The following UBE2N variants were observed in gnomAD, a reference collection of about 807,000 sequenced individuals.
The protein encoded by UBE2N is ubiquitin-conjugating enzyme E2 N.
For synonymous variants in UBE2N, 70 were observed against 69.2 expected, an observed-to-expected ratio of 1.01 and a Z score of -0.06; for missense variants, 60 against 192.1, an observed-to-expected ratio of 0.31 and a Z score of 4.07.
intron 1 of UBE2N, among the ~76,000 whole-genome samples, chr12:93,418,505 AT>A (rs1219767956): frequency 7.3e-6 from 1 of 136,626 alleles, no homozygotes; most frequent in Non-Finnish European, 1.5e-5. Context: ...GAAACATATA[AT>A]GTCTCATTAT....
intron 1 of UBE2N, 55 bp downstream of exon 1, chr12:93,441,800 C>A: frequency 1.3e-6 from 2 of 1,570,776 alleles, no homozygotes; most frequent in Non-Finnish European, 1.7e-6. Flanking sequence ...CGCTGCCTGC[C>A]CAGCTGAGCC....
intron 1 of UBE2N, among the ~76,000 whole-genome samples, chr12:93,431,084 G>A (rs980916718): frequency 3.9e-5 from 6 of 152,012 alleles, no homozygotes; most frequent in East Asian, 1.9e-4. Flanking sequence ...AAAATTAGCC[G>A]GGTGTGGTGG....
At chr12:93,431,025 G>A (rs1301001122) in intron 1 of UBE2N, among the ~76,000 whole-genome samples, 1 of 151,246 alleles carries the variant, frequency 6.6e-6, no homozygotes, top group Non-Finnish European at 1.5e-5. Context: ...TCAGGAGTTC[G>A]AGACCAGCCT....
intron 1 of UBE2N, among the ~76,000 whole-genome samples, chr12:93,416,068 G>T (rs539354055): frequency 6.6e-6 from 1 of 152,278 alleles, no homozygotes; most frequent in African/African-American, 2.4e-5. Context: ...TTTTGAAATA[G>T]TCCTTATAAT....
intron 1 of UBE2N, among the ~76,000 whole-genome samples, chr12:93,421,250 G>A (rs532120938): frequency 4.3e-4 from 65 of 151,398 alleles, no homozygotes; most frequent in African/African-American, 1.6e-3. Flanking sequence ...CACCCAGGCT[G>A]GAGTGCAGTG....
intron 1 of UBE2N, among the ~76,000 whole-genome samples, chr12:93,413,932 C>A (rs772015826): frequency 6.6e-6 from 1 of 152,144 alleles, no homozygotes; most frequent in African/African-American, 2.4e-5. Context: ...GAGGCCGAGG[C>A]GGGTGGATCA....
intron 1 of UBE2N, among the ~76,000 whole-genome samples, chr12:93,440,519 T>C (rs1411855950): frequency 2.0e-5 from 3 of 152,238 alleles, no homozygotes; most frequent in African/African-American, 7.2e-5. Flanking sequence ...ATCTCAGATA[T>C]ATTTAAATGC....
At position 93,408,091 on chromosome 12, in the gene UBE2N, A is replaced by G. The variant is rs1565790531; in HGVS notation, c.*1948T>C. On this transcript the variant is annotated 3_prime_UTR_variant, in exon 4 of 4. Transcript: ENST00000318066. ...TGTAAATCACTATGTGATACTAGCT[A>G]TAACCATGAGCAATATTACGGGCAG... 1 of 152,226 alleles carries G rather than the reference A, an allele frequency of 6.6e-6. No homozygotes were observed. Among genetic ancestry groups the G allele is most frequent in the Non-Finnish European group, 1.5e-5 (1 of 68,034 alleles). The allele number at this position is 152,226 out of a possible 1,614,324, so 9.4% of individuals were successfully genotyped here.
chr12:93,418,961 G>C (rs918016559), intron 1 of UBE2N, among the ~76,000 whole-genome samples: 15 of 152,228 alleles, frequency 9.9e-5, no homozygotes, highest in African/African-American at 2.4e-4. Flanking sequence ...TCCCAAATTA[G>C]TCTGGAGAGT....
intron 1 of UBE2N, among the ~76,000 whole-genome samples, chr12:93,421,548 G>A (rs937178916): frequency 6.6e-6 from 1 of 152,104 alleles, no homozygotes; most frequent in African/African-American, 2.4e-5. Flanking sequence ...TAAACAGCAC[G>A]GGAGTTAAAA....
intron 1 of UBE2N, among the ~76,000 whole-genome samples, chr12:93,423,426 CTT>C (rs1592745986): frequency 6.6e-6 from 1 of 152,106 alleles, no homozygotes; most frequent in East Asian, 1.9e-4. Context: ...CTAAATAACT[CTT>C]TGGGATTAAA....
chr12:93,425,607 C>T (rs1344787338), intron 1 of UBE2N, among the ~76,000 whole-genome samples: 1 of 152,146 alleles, frequency 6.6e-6, no homozygotes, highest in Admixed American at 6.5e-5. Flanking sequence ...ACCAACCCCA[C>T]AGAGTAAGGA....
At chr12:93,437,505 T>C (rs909078514) in intron 1 of UBE2N, among the ~76,000 whole-genome samples, 3 of 152,052 alleles carry the variant, frequency 2.0e-5, no homozygotes, top group Non-Finnish European at 4.4e-5. Flanking sequence ...ACAATAAAAA[T>C]AGTGGTTGAA....
intron 1 of UBE2N, among the ~76,000 whole-genome samples, chr12:93,435,271 G>A (rs1483707957): frequency 2.0e-5 from 3 of 152,032 alleles, no homozygotes; most frequent in African/African-American, 7.3e-5. Context: ...TCAGGAGTTC[G>A]AGACCAGCCT....
At chr12:93,439,427 C>G (rs146766839) in intron 1 of UBE2N, among the ~76,000 whole-genome samples, 175 of 152,294 alleles carry the variant, frequency 1.1e-3, no homozygotes, top group Non-Finnish European at 2.0e-3. Flanking sequence ...TGTGGTAAGC[C>G]ATGATCCTGC....
rs753510663 is a variant in UBE2N, at chr12:93,411,213, A to T, written c.117T>A (p.Ile39=). 22 of 1,614,108 alleles carry T rather than the reference A, an allele frequency of 1.4e-5. No individual in the cohort carries two copies. Among genetic ancestry groups the T allele is most frequent in the Non-Finnish European group, 1.8e-5 (21 of 1,180,042 alleles). ...CAAAGGGGGAATCCTGAGGGCCAGC[A>T]ATGACCACATGAAAATAACGGGCGT... ...ESNARYFHVV[I]AGPQDSPFEG... is the part of the protein sequence containing the mutation. The change falls in exon 2 of 4, where the codon ATT becomes ATA. Residue 39 remains isoleucine, a synonymous_variant. Coordinates refer to ENST00000318066, the MANE Select transcript of UBE2N (RefSeq NM_003348.4).
At chr12:93,437,917 G>C (rs1391379447) in intron 1 of UBE2N, among the ~76,000 whole-genome samples, 1 of 152,090 alleles carries the variant, frequency 6.6e-6, no homozygotes, top group African/African-American at 2.4e-5. Context: ...GCATTTCCTA[G>C]TTAATAAAAA....
chr12:93,406,419 CCCATTCT>C lies in UBE2N; in HGVS notation c.*3613_*3619del, dbSNP rs1178206390. 6.6e-6 allele frequency: 1 copy of C among 151,982 alleles called. No homozygotes were observed. Among genetic ancestry groups the C allele is most frequent in the Non-Finnish European group, 1.5e-5 (1 of 68,018 alleles). 9.4% of individuals were successfully genotyped at this position (151,982 alleles called of 1,614,324 possible). A position where few individuals can be genotyped will look rare whatever the true frequency, so the allele number is the denominator to read the frequency against. On this transcript the variant is annotated 3_prime_UTR_variant, in exon 4 of 4. Transcript: ENST00000318066. Reference sequence around the variant, plus strand: ...ATGTCTTTTAGGACAGATTTCCTTCCCCATTCTCCATCAAACAACCATAGCACCTGTG... The same window carrying C: ...ATGTCTTTTAGGACAGATTTCCTTCCCCATCAAACAACCATAGCACCTGTG...
In UBE2N at chr12:93,408,758, T is replaced by C. The variant is rs769381081; in HGVS notation, c.*1281A>G. The C allele has an allele frequency of 3.9e-5, 6 of 152,260 alleles. No homozygotes were observed. The highest frequency in any genetic ancestry group is 7.3e-5 in the Non-Finnish European group (5 of 68,036). 9.4% of individuals were successfully genotyped at this position (152,260 alleles called of 1,614,324 possible). ...CAAGAATCATTAACTGAGGACTTGA[T>C]ACTCTCAAAGGGATAAACCTTTCTG... On this transcript the variant is annotated 3_prime_UTR_variant, in exon 4 of 4. Transcript: ENST00000318066.
Sources: allele counts gnomAD v4.1 joint callset (sites outside exome capture counted in the v4.1 genomes callset), GRCh38; gene constraint gnomAD v4.1.1; transcripts MANE v1.5; gene names NCBI Gene and HGNC (gene_info 2026-07-23, HGNC 2026-07-21).